The following DTNA variants were observed in gnomAD, a reference collection of about 807,000 sequenced individuals.
DTNA encodes the protein dystrophin-related protein 3.
Under a neutral mutation model 100.7 loss-of-function variants are expected in DTNA, and 43 were observed. That is an observed-to-expected ratio of 0.43 (90% CI 0.33 to 0.55). The LOEUF is 0.55. Ranked by LOEUF, DTNA falls within the 20% of genes least tolerant of loss-of-function variation. The probability of loss-of-function intolerance (pLI) is 0.04; values close to 1 mark genes in which losing one functional copy is unlikely to be tolerated. For synonymous variants in DTNA, 349 were observed against 347.9 expected, an observed-to-expected ratio of 1.00 and a Z score of -0.04; for missense variants, 798 against 953.9, an observed-to-expected ratio of 0.84 and a Z score of 2.15.
rs540652495 is a variant in DTNA, at chr18:34,877,819, G to T, written c.1993+11G>T. 11 of 1,611,122 alleles carry T rather than the reference G, an allele frequency of 6.8e-6. No homozygotes were observed. Among genetic ancestry groups the T allele is most frequent in the Non-Finnish European group, 8.5e-6 (10 of 1,177,540 alleles). ...AAGAGCTGAATTCTGGTGAGTTCCT[G>T]ATTCCCTCTCATTTGTCTGCTCATC... On this transcript the variant is annotated intron_variant, in intron 19 of 22. Coordinates refer to ENST00000444659, the MANE Select transcript of DTNA (RefSeq NM_001386795.1).
chr18:34,648,232 A>G (rs2060071710), intron 1 of DTNA, among the ~76,000 whole-genome samples: 1 of 152,232 alleles, frequency 6.6e-6, no homozygotes, highest in African/African-American at 2.4e-5. Flanking sequence ...GGGCTGTATC[A>G]GGCAAGGTTT....
chr18:34,610,108 A>G (rs2053936385), intron 1 of DTNA, among the ~76,000 whole-genome samples: 1 of 152,192 alleles, frequency 6.6e-6, no homozygotes, highest in Admixed American at 6.5e-5. Context: ...TGGAGTTTGC[A>G]TCAGAGGAAT....
chr18:34,640,980 G>A (rs1336088973), intron 1 of DTNA, among the ~76,000 whole-genome samples: 1 of 151,900 alleles, frequency 6.6e-6, no homozygotes, highest in East Asian at 1.9e-4. Flanking sequence ...ATTTTACCAG[G>A]TATCATCAAT....
intron 1 of DTNA, among the ~76,000 whole-genome samples, chr18:34,619,572 G>A (rs991258059): frequency 4.6e-5 from 7 of 152,148 alleles, no homozygotes; most frequent in African/African-American, 1.7e-4. Flanking sequence ...TGGATGGGAG[G>A]TCAGGAGGAA....
chr18:34,587,531 T>G (rs1256395095), intron 1 of DTNA, among the ~76,000 whole-genome samples: 1 of 152,068 alleles, frequency 6.6e-6, no homozygotes, highest in Non-Finnish European at 1.5e-5. Flanking sequence ...TAAAATATAT[T>G]TGATATAAAG....
At chr18:34,619,527 A>T (rs1350226961) in intron 1 of DTNA, among the ~76,000 whole-genome samples, 1 of 152,180 alleles carries the variant, frequency 6.6e-6, no homozygotes, top group East Asian at 1.9e-4. Context: ...AATTTAAGAG[A>T]TACTTCATAA....
At chr18:34,632,599 G>A (rs575375805) in intron 1 of DTNA, among the ~76,000 whole-genome samples, 4 of 152,196 alleles carry the variant, frequency 2.6e-5, no homozygotes, top group Non-Finnish European at 5.9e-5. Flanking sequence ...GCCCTTTACC[G>A]GTAAATTTTG....
intron 1 of DTNA, chr18:34,574,640 T>G (rs1438272508): frequency 6.6e-6 from 1 of 152,130 alleles, no homozygotes; most frequent in Non-Finnish European, 1.5e-5. Flanking sequence ...TTGTTATTAT[T>G]ATTATTATTA....
chr18:34,685,950 G>A (rs1347011735), intron 1 of DTNA, among the ~76,000 whole-genome samples: 1 of 152,072 alleles, frequency 6.6e-6, no homozygotes, highest in African/African-American at 2.4e-5. Context: ...GTCTATTACT[G>A]GTGTATAGGA....
chr18:34,773,038 TG>T (rs1007411930), intron 3 of DTNA, among the ~76,000 whole-genome samples: 4 of 152,200 alleles, frequency 2.6e-5, no homozygotes, highest in African/African-American at 9.6e-5. Flanking sequence ...GCTCAGGGCA[TG>T]GGTGTTTGTG....
At chr18:34,769,296 T>G (rs895415829) in intron 3 of DTNA, among the ~76,000 whole-genome samples, 1 of 152,178 alleles carries the variant, frequency 6.6e-6, no homozygotes, top group African/African-American at 2.4e-5. Context: ...TAATCAAAGT[T>G]GAAACCTTCC....
chr18:34,552,767 C>T (rs2145975950), intron 1 of DTNA, among the ~76,000 whole-genome samples: 1 of 150,820 alleles, frequency 6.6e-6, no homozygotes, highest in Non-Finnish European at 1.5e-5. Flanking sequence ...TTCCTTAATC[C>T]AGTCTATCAT....
rs1422336524 is a variant in DTNA at position 34,793,824 on chromosome 18, G to T, written c.149-213G>T. Among the ~76,000 whole-genome samples the T allele has an allele frequency of 3.3e-5, 5 of 152,190 alleles. No individual in the cohort carries two copies. In the East Asian group the frequency reaches 9.6e-4, roughly 29 times the overall value. On this transcript the variant is annotated intron_variant, in intron 3 of 22. Transcript: ENST00000444659. Reference sequence around the variant, plus strand: ...TGAAGATTGGAAATAACTATCTATTGTGGTGGTCAGTAAATCATTTGCTTG... The same window carrying T: ...TGAAGATTGGAAATAACTATCTATTTTGGTGGTCAGTAAATCATTTGCTTG...
At chr18:34,787,680 T>C (rs1257004328) in intron 3 of DTNA, among the ~76,000 whole-genome samples, 1 of 152,150 alleles carries the variant, frequency 6.6e-6, no homozygotes, top group African/African-American at 2.4e-5. Context: ...TAGTGCAAGA[T>C]GTCAGAAAAC....
At chr18:34,512,301 G>T in intron 1 of DTNA, among the ~76,000 whole-genome samples, 1 of 152,054 alleles carries the variant, frequency 6.6e-6, no homozygotes, top group Non-Finnish European at 1.5e-5. Flanking sequence ...ACCTTACTGT[G>T]TGAGAAATGG....
At chr18:34,543,811 A>T (rs1197208350) in intron 1 of DTNA, among the ~76,000 whole-genome samples, 2 of 152,128 alleles carry the variant, frequency 1.3e-5, no homozygotes, top group African/African-American at 4.8e-5. Context: ...GGAATTTAAT[A>T]TTCGATTCAC....
At chr18:34,518,256 T>G (rs1458353958) in intron 1 of DTNA, among the ~76,000 whole-genome samples, 4 of 152,172 alleles carry the variant, frequency 2.6e-5, no homozygotes, top group Non-Finnish European at 5.9e-5. Flanking sequence ...TTCATATCTT[T>G]TGCCCATTTT....
At chr18:34,798,421 A>C (rs2095075860) in intron 4 of DTNA, among the ~76,000 whole-genome samples, 2 of 152,204 alleles carry the variant, frequency 1.3e-5, no homozygotes. Flanking sequence ...CTCCACAGAA[A>C]AAAAAAACAA....
intron 15 of DTNA, among the ~76,000 whole-genome samples, chr18:34,855,927 T>C (rs2096547019): frequency 6.7e-6 from 1 of 148,488 alleles, no homozygotes; most frequent in African/African-American, 2.6e-5. Context: ...ACCCCAGAGA[T>C]ATCTGCCTCC....
Sources: allele counts gnomAD v4.1 joint callset (sites outside exome capture counted in the v4.1 genomes callset), GRCh38; gene constraint gnomAD v4.1.1; transcripts MANE v1.5; gene names NCBI Gene and HGNC (gene_info 2026-07-23, HGNC 2026-07-21).